Variants in PLLP observed in about 807,000 individuals in gnomAD.
PLLP encodes the protein plasma membrane proteolipid (plasmolipin).
Under a neutral mutation model 19.7 loss-of-function variants are expected in PLLP, and 15 were observed. That is an observed-to-expected ratio of 0.76 (90% CI 0.51 to 1.17). The LOEUF is 1.17. Ranked by LOEUF, PLLP falls within the 50% of genes most tolerant of loss-of-function variation. PLLP has a pLI of 0.00. For synonymous variants in PLLP, 111 were observed against 116.3 expected (o/e 0.95, Z 0.29); for missense variants, 255 against 258.3 (o/e 0.99, Z 0.09).
intron 2 of PLLP, among the ~76,000 whole-genome samples, chr16:57,258,845 C>T (rs762212087): frequency 2.1e-5 from 3 of 145,014 alleles, no homozygotes; most frequent in Admixed American, 7.1e-5. Context: ...CACCTGGAGC[C>T]GGGAGGTTGA....
chr16:57,262,947 C>T (rs559977822), intron 1 of PLLP, among the ~76,000 whole-genome samples: 156 of 152,216 alleles, frequency 1.0e-3, no homozygotes, highest in African/African-American at 3.3e-3. Context: ...CATAATCGTT[C>T]CCTTCCCCAG....
In PLLP at chr16:57,256,235, A is replaced by G; in HGVS notation, c.*678T>C. ...AGTCAGCAAGGTCGGGGAGGCACCG[A>G]TGTTAGCTTCGCCCAAAGGGAGTAT... On this transcript the variant is annotated 3_prime_UTR_variant, in exon 4 of 4. Coordinates refer to ENST00000219207, the MANE Select transcript of PLLP (RefSeq NM_015993.3). 1 of 393,358 alleles carries G rather than the reference A, an allele frequency of 2.5e-6. No individual in the cohort carries two copies. The highest frequency in any genetic ancestry group is 4.5e-6 in the Non-Finnish European group (1 of 223,434). The allele number at this position is 393,358 out of a possible 1,614,324, so 24.4% of individuals were successfully genotyped here.
At chr16:57,282,185 T>TCCCCCTATTGCCCCTATTG (rs1251094431) in intron 1 of PLLP, among the ~76,000 whole-genome samples, 1 of 151,248 alleles carries the variant, frequency 6.6e-6, no homozygotes, top group Non-Finnish European at 1.5e-5. Context: ...TGCCTTCCAT[T>TCCCCCTATTGCCCCTATTG]CCCCCTATTG....
At chr16:57,274,915 C>A (rs1482574705) in intron 1 of PLLP, among the ~76,000 whole-genome samples, 1 of 152,116 alleles carries the variant, frequency 6.6e-6, no homozygotes, top group Non-Finnish European at 1.5e-5. Flanking sequence ...GCGCCCGCCA[C>A]CATGCCCGGC....
chr16:57,272,921 C>T lies in PLLP; in HGVS notation c.136-10851G>A, dbSNP rs567083909. On this transcript the variant is annotated intron_variant, in intron 1 of 3. Transcript: ENST00000219207. Reference sequence around the variant, plus strand: ...GCAGTAAGCCATGATCACACTACTGCACTCCAGCCTGAGTGACAGAGTGAG... The same window carrying T: ...GCAGTAAGCCATGATCACACTACTGTACTCCAGCCTGAGTGACAGAGTGAG... Among the ~76,000 whole-genome samples the T allele has an allele frequency of 1.4e-4, 22 of 151,754 alleles. No homozygotes were observed. The South Asian group carries it at 4.2e-3, about 29-fold the overall frequency.
chr16:57,284,293 C>G (rs1901254753), intron 1 of PLLP, 113 bp downstream of exon 1: 4 of 988,770 alleles, frequency 4.0e-6, no homozygotes, highest in Admixed American at 8.4e-5. Flanking sequence ...CAGTGTGAGC[C>G]CGGGTGGGGA....
intron 1 of PLLP, among the ~76,000 whole-genome samples, chr16:57,275,847 G>A (rs576616904): frequency 1.1e-4 from 17 of 152,316 alleles, no homozygotes; most frequent in East Asian, 9.6e-4. Flanking sequence ...CTGGCGCCGC[G>A]CCTTGCATTT....
At chr16:57,257,629 C>A (rs1274676464) in intron 3 of PLLP, among the ~76,000 whole-genome samples, 1 of 152,166 alleles carries the variant, frequency 6.6e-6, no homozygotes, top group Non-Finnish European at 1.5e-5. Flanking sequence ...GTCGCAGGAT[C>A]CTGGGAGGAG....
chr16:57,270,424 C>T (rs1463839056), intron 1 of PLLP, among the ~76,000 whole-genome samples: 5 of 151,404 alleles, frequency 3.3e-5, no homozygotes, highest in African/African-American at 4.9e-5. Flanking sequence ...TCCCCAGCTC[C>T]GGCCTCTCTA....
chr16:57,263,824 C>T (rs1452722716), intron 1 of PLLP, among the ~76,000 whole-genome samples: 3 of 152,178 alleles, frequency 2.0e-5, no homozygotes, highest in Non-Finnish European at 2.9e-5. Context: ...GAGGGTCTAG[C>T]TTTGGAGAAA....
intron 1 of PLLP, among the ~76,000 whole-genome samples, chr16:57,278,305 A>G (rs563689762): frequency 2.6e-5 from 4 of 152,286 alleles, no homozygotes; most frequent in African/African-American, 7.2e-5. Flanking sequence ...ACGCCGCTGC[A>G]CTCCAGCCTG....
At chr16:57,258,785 G>C (rs1350759464) in intron 2 of PLLP, among the ~76,000 whole-genome samples, 1 of 151,842 alleles carries the variant, frequency 6.6e-6, no homozygotes, top group Non-Finnish European at 1.5e-5. Context: ...GCCAGGCATG[G>C]TGGCGCATGC....
intron 1 of PLLP, among the ~76,000 whole-genome samples, chr16:57,276,084 G>A (rs1901150132): frequency 1.3e-5 from 2 of 152,276 alleles, no homozygotes; most frequent in South Asian, 4.1e-4. Flanking sequence ...CTCCAGCCTG[G>A]GTGACAGAGT....
chr16:57,263,315 A>G (rs1368768052), intron 1 of PLLP: 2 of 152,270 alleles, frequency 1.3e-5, no homozygotes, highest in East Asian at 3.9e-4. Context: ...CCATCCCAGC[A>G]GAGCATGGGT....
At chr16:57,270,209 C>T (rs1439432200) in intron 1 of PLLP, among the ~76,000 whole-genome samples, 1 of 147,426 alleles carries the variant, frequency 6.8e-6, no homozygotes, top group African/African-American at 2.5e-5. Context: ...CCCCCTTTTC[C>T]AGCCCCCAAG....
At chr16:57,265,090 C>T (rs1245325396) in intron 1 of PLLP, among the ~76,000 whole-genome samples, 5 of 152,218 alleles carry the variant, frequency 3.3e-5, no homozygotes, top group Non-Finnish European at 7.3e-5. Context: ...CACACAGCAC[C>T]CTGCCAGCCT....
chr16:57,281,686 T>C (rs767563514), intron 1 of PLLP, among the ~76,000 whole-genome samples: 30 of 151,998 alleles, frequency 2.0e-4, no homozygotes, highest in Non-Finnish European at 3.4e-4. Flanking sequence ...AATTTTGTTG[T>C]ATTTTTAGTA....
At chr16:57,282,201 A>G (rs1277459553) in intron 1 of PLLP, among the ~76,000 whole-genome samples, 2 of 147,556 alleles carry the variant, frequency 1.4e-5, no homozygotes, top group Admixed American at 1.4e-4. Flanking sequence ...TATTGCCCCT[A>G]TTGCTAGTCT....
intron 3 of PLLP, among the ~76,000 whole-genome samples, chr16:57,257,997 A>G (rs566412879): frequency 6.6e-6 from 1 of 152,214 alleles, no homozygotes; most frequent in Non-Finnish European, 1.5e-5. Flanking sequence ...CCTGGCCAAC[A>G]TGGTGAAACT....
Sources: gnomAD v4.1 joint callset for allele counts (sites outside exome capture counted in the v4.1 genomes callset) on GRCh38, gnomAD v4.1.1 for gene constraint, MANE v1.5 for transcripts, NCBI Gene and HGNC (gene_info 2026-07-23, HGNC 2026-07-21) for gene names.